Variants in MORC2 observed in about 807,000 individuals in gnomAD.
MORC2 encodes the protein ATPase MORC2.
MORC2 carries 30 observed loss-of-function variants against 136.0 expected under a neutral mutation model. The observed-to-expected ratio is 0.22, with a 90% CI of 0.17 to 0.30. The LOEUF (loss-of-function observed/expected upper bound fraction) is 0.30, where lower values mean the gene tolerates loss of function less well. Ranked by LOEUF, MORC2 falls within the 10% of genes least tolerant of loss-of-function variation. The pLI is 1.00. For synonymous variants in MORC2, 439 were observed against 487.0 expected (o/e 0.90, Z 1.30); for missense variants, 922 against 1,333.1 (o/e 0.69, Z 4.80).
intron 3 of MORC2, 51 bp from the exon 4 acceptor site, chr22:30,950,496 C>T: frequency 6.4e-7 from 1 of 1,558,952 alleles, no homozygotes; most frequent in African/African-American, 1.4e-5. Flanking sequence ...CACAGGGTGG[C>T]AACATGCCTA....
rs552564705 is a variant in MORC2, at chr22:30,968,099, T to C, written c.-210A>G. 7 of 544,312 alleles carry C rather than the reference T, an allele frequency of 1.3e-5. No homozygotes were observed. Among genetic ancestry groups the C allele is most frequent in the Non-Finnish European group, 9.8e-6 (3 of 305,424 alleles). 33.7% of individuals were successfully genotyped at this position (544,312 alleles called of 1,614,324 possible). On this transcript the variant is annotated 5_prime_UTR_variant, in exon 1 of 26. Transcript: ENST00000397641. ...TGTTTTTTTTTAATCTTCTCAATGA[T>C]TTATGATGTAATATTTTGGAAGGAA...
Position 30,941,824 on chromosome 22 carries a change from C to A in MORC2, c.698+67G>T. 1 of 1,387,086 alleles carries A rather than the reference C, an allele frequency of 7.2e-7. No homozygotes were observed. Among genetic ancestry groups the A allele is most frequent in the South Asian group, 1.2e-5 (1 of 86,376 alleles). The allele number at this position is 1,387,086 out of a possible 1,614,324, so 85.9% of individuals were successfully genotyped here. A position where few individuals can be genotyped will look rare whatever the true frequency, so the allele number is the denominator to read the frequency against. Reference sequence around the variant, plus strand: ...AATGAATGTGCTCTCCCCTCTTTCCCTGAAGCCATCTCCTGAGAGCACAAA... The same window carrying A: ...AATGAATGTGCTCTCCCCTCTTTCCATGAAGCCATCTCCTGAGAGCACAAA... On this transcript the variant is annotated intron_variant, in intron 8 of 25. Coordinates refer to ENST00000397641, the MANE Select transcript of MORC2 (RefSeq NM_001303256.3). The surrounding 1 kb of genome is among the most constrained non-coding windows in gnomAD (Gnocchi z 4.6).
At position 30,932,761 on chromosome 22, in the gene MORC2, T is replaced by G; in HGVS notation, c.2531A>C (p.Lys844Thr). 1 of 1,614,156 alleles carries G rather than the reference T, an allele frequency of 6.2e-7. No individual in the cohort carries two copies. The highest frequency in any genetic ancestry group is 1.1e-5 in the South Asian group (1 of 91,086). The change falls in exon 23 of 26, where the codon AAA becomes ACA. Residue 844 changes from lysine (K) to threonine (T), a missense_variant. Lys to Thr is a moderately conservative substitution (Grantham distance 78). This residue lies in a region of MORC2 where 263 missense variants were observed against 388.3 expected (regional missense o/e 0.68). Transcript: ENST00000397641. This position sits in a 1 kb window ranked among gnomAD's most constrained non-coding sequence, Gnocchi z 4.4. ...DTTPRDRWVE[K>T]GSEDVRLMKP... ...CATCAGCCGCACATCCTCACTGCCT[T>G]TCTCCACCCTGTGGAAGACACACAG... is the stretch of plus-strand genomic sequence containing the variant.
chr22:30,929,553 C>G (rs2040541116), intron 24 of MORC2, among the ~76,000 whole-genome samples: 1 of 152,020 alleles, frequency 6.6e-6, no homozygotes, highest in African/African-American at 2.4e-5. Context: ...TCGAGACCAT[C>G]CTGGCTAACA....
intron 1 of MORC2, among the ~76,000 whole-genome samples, chr22:30,960,227 A>G (rs1235755087): frequency 2.0e-5 from 3 of 152,180 alleles, no homozygotes; most frequent in African/African-American, 4.8e-5. Context: ...TTGGACTCCC[A>G]AAGTGCTGAG....
chr22:30,960,375 A>G (rs745639783), intron 1 of MORC2, among the ~76,000 whole-genome samples: 4 of 152,230 alleles, frequency 2.6e-5, no homozygotes, highest in Non-Finnish European at 5.9e-5. Context: ...GCAGCACGAC[A>G]AATATGTTAT....
In MORC2 at chr22:30,934,897, G is replaced by A; in HGVS notation, c.2077C>T (p.Gln693Ter). ...GGCAGTAAAGATGGTGACAGTTGCT[G>A]CACCAGAGGGGCAGGTCGGGATGCA... ...KTASRPAPLVQQLSPSLLPNS... is the reference protein window; with the variant it reads ...KTASRPAPLV Residue 693 changes from glutamine (Q) to a stop codon, truncating the protein, a stop_gained, in exon 19 of 26, where the codon CAG becomes TAG. Transcript: ENST00000397641. LOFTEE classifies it high-confidence loss of function. The surrounding 1 kb of genome is among the most constrained non-coding windows in gnomAD (Gnocchi z 4.4). 1 of 1,614,200 alleles carries A rather than the reference G, an allele frequency of 6.2e-7. No individual in the cohort carries two copies. Among genetic ancestry groups the A allele is most frequent in the Non-Finnish European group, 8.5e-7 (1 of 1,180,036 alleles).
intron 25 of MORC2, 31 bp from the exon 26 acceptor site, chr22:30,926,902 G>C (rs756604866): frequency 1.9e-6 from 3 of 1,590,366 alleles, no homozygotes; most frequent in Non-Finnish European, 2.6e-6. Flanking sequence ...GATCAACTGG[G>C]GGCCAGAAAG....
Position 30,967,893 on chromosome 22 carries a change from T to C in MORC2, c.-4A>G, listed in dbSNP as rs535972385. ...TGCTGTAATTTGTGAAAGCCATGAC[T>C]GCAATAAGGTCTCCAGCCCTTCACC... On this transcript the variant is annotated 5_prime_UTR_variant, in exon 1 of 26. Coordinates refer to ENST00000397641, the MANE Select transcript of MORC2 (RefSeq NM_001303256.3). The C allele has an allele frequency of 1.3e-6, 2 of 1,544,998 alleles. No individual in the cohort carries two copies. The highest frequency in any genetic ancestry group is 3.9e-5 in the Admixed American group (2 of 51,006).
At chr22:30,927,967 C>A in intron 25 of MORC2, 52 bp downstream of exon 25, 1 of 1,601,252 alleles carries the variant, frequency 6.2e-7, no homozygotes, top group Non-Finnish European at 8.5e-7. Flanking sequence ...CCAGGCCCCC[C>A]TCCCTGAGAG....
chr22:30,965,632 G>A (rs886724090), intron 1 of MORC2, among the ~76,000 whole-genome samples: 2 of 152,210 alleles, frequency 1.3e-5, no homozygotes, highest in African/African-American at 4.8e-5. Flanking sequence ...CATGCAAGCA[G>A]GTGGTTCCAG....
At chr22:30,952,077 G>A (rs2040896203) in intron 3 of MORC2, among the ~76,000 whole-genome samples, 1 of 152,150 alleles carries the variant, frequency 6.6e-6, no homozygotes, top group Non-Finnish European at 1.5e-5. Flanking sequence ...AATCTCTCCT[G>A]GTGGCAGTGC....
chr22:30,949,528 C>G (rs2040860708), intron 5 of MORC2, among the ~76,000 whole-genome samples: 1 of 152,198 alleles, frequency 6.6e-6, no homozygotes, highest in Non-Finnish European at 1.5e-5. Context: ...AACGTACAGC[C>G]TCTCCTGCCC....
Position 30,939,865 on chromosome 22 carries a change from A to T in MORC2, c.987+94T>A, listed in dbSNP as rs548784041. 242 of 1,419,706 alleles carry T rather than the reference A, an allele frequency of 1.7e-4. No individual in the cohort carries two copies. The Middle Eastern group carries it at 2.6e-3, about 15-fold the overall frequency. The allele number at this position is 1,419,706 out of a possible 1,614,324, so 87.9% of individuals were successfully genotyped here. Reference sequence around the variant, plus strand: ...AGAAAACAGCCCTCACTGGGGACAAACTCAAAAGCTGTGTTTTACTTGACC... The same window carrying T: ...AGAAAACAGCCCTCACTGGGGACAATCTCAAAAGCTGTGTTTTACTTGACC... On this transcript the variant is annotated intron_variant, in intron 11 of 25. Transcript: ENST00000397641.
At chr22:30,967,018 T>C (rs1466695735) in intron 1 of MORC2, 2 of 876,262 alleles carry the variant, frequency 2.3e-6, no homozygotes, top group Non-Finnish European at 2.7e-6. Flanking sequence ...GGACCATTCA[T>C]GTAGCTGCTC....
At chr22:30,958,547 A>C in intron 2 of MORC2, 94 bp downstream of exon 2, 1 of 930,120 alleles carries the variant, frequency 1.1e-6, no homozygotes, top group Non-Finnish European at 1.6e-6. Context: ...ATTCTACAGA[A>C]ATGTCTTCCT....
chr22:30,962,976 ATTCT>A (rs942966219), intron 1 of MORC2, among the ~76,000 whole-genome samples: 39 of 151,870 alleles, frequency 2.6e-4, no homozygotes, highest in African/African-American at 9.2e-4. Flanking sequence ...ATCAAAAGAA[ATTCT>A]TTTTTTTTTT....
intron 1 of MORC2, chr22:30,967,284 C>T (rs924047422): frequency 1.1e-5 from 11 of 986,238 alleles, no homozygotes; most frequent in Middle Eastern, 5.2e-4. Context: ...AAACAAGTTG[C>T]CGTTTCCTGT....
chr22:30,955,549 C>T (rs2040954000), intron 3 of MORC2, among the ~76,000 whole-genome samples: 1 of 152,098 alleles, frequency 6.6e-6, no homozygotes, highest in East Asian at 1.9e-4. Context: ...TGCTTGTTCC[C>T]ATTCATCAAA....
Sources: allele counts gnomAD v4.1 joint callset (sites outside exome capture counted in the v4.1 genomes callset), GRCh38; gene constraint gnomAD v4.1.1; regional missense constraint gnomAD v4.1.1; non-coding constraint Gnocchi (gnomAD v3.1); transcripts MANE v1.5; gene names NCBI Gene and HGNC (gene_info 2026-07-23, HGNC 2026-07-21).